Variants in PASD1 observed in about 807,000 individuals in gnomAD.
PASD1 encodes PAS domain containing repressor 1, also known as circadian clock protein PASD1.
In PASD1, 13 loss-of-function variants were observed where a neutral mutation model predicts 58.8. The observed-to-expected ratio is 0.22, with a 90% CI of 0.14 to 0.35. The LOEUF is 0.35. Among genes scored for constraint, PASD1 ranks in the 10% least tolerant of loss-of-function variants. PASD1 has a pLI of 1.00. For synonymous variants in PASD1, 236 were observed against 216.7 expected, an observed-to-expected ratio of 1.09 and a Z score of -0.78; for missense variants, 734 against 568.3, an observed-to-expected ratio of 1.29 and a Z score of -2.96.
At chrX:151,645,358 C>T (rs1035651801) in intron 8 of PASD1, among the ~76,000 whole-genome samples, 7 of 111,910 alleles carry the variant, frequency 6.3e-5, no homozygotes, top group South Asian at 3.8e-4. Context: ...ACTCCATTGA[C>T]GTATGAAAGG....
At chrX:151,655,357 G>A (rs1309998999) in intron 9 of PASD1, among the ~76,000 whole-genome samples, 1 of 109,135 alleles carries the variant, frequency 9.2e-6, no homozygotes, top group African/African-American at 3.3e-5. Flanking sequence ...ATAATCCTTT[G>A]GGTATATACC....
intron 11 of PASD1, among the ~76,000 whole-genome samples, chrX:151,665,826 T>C (rs2014369220): frequency 9.2e-6 from 1 of 108,943 alleles, no homozygotes; most frequent in South Asian, 4.1e-4. Flanking sequence ...GGTTTGTCTC[T>C]TCTAGTCCTG....
chrX:151,655,134 G>C (rs745838619), intron 9 of PASD1, among the ~76,000 whole-genome samples: 2 of 111,669 alleles, frequency 1.8e-5, no homozygotes, highest in Non-Finnish European at 3.8e-5. Context: ...ATAGTTTGCT[G>C]AGAATGATGG....
At chrX:151,618,536 T>C (rs941465749) in intron 4 of PASD1, among the ~76,000 whole-genome samples, 5 of 112,130 alleles carry the variant, frequency 4.5e-5, no homozygotes, top group Non-Finnish European at 9.4e-5. Flanking sequence ...AGCTCTGTTC[T>C]AGGTGTTGAA....
chrX:151,566,679 A>G (rs1231228832), intron 1 of PASD1, among the ~76,000 whole-genome samples: 1 of 112,216 alleles, frequency 8.9e-6, no homozygotes, highest in Non-Finnish European at 1.9e-5. Context: ...AATTTGCATT[A>G]TGCTTACTGG....
At position 151,659,772 on chromosome X, in the gene PASD1, T is replaced by C; in HGVS notation, c.777T>C (p.Phe259=). Reference sequence around the variant, plus strand: ...GACCACAAGAAAACGTTCACATGTTTGTAGATTCTGATTCAACTTATTGCT... The same window carrying C: ...GACCACAAGAAAACGTTCACATGTTCGTAGATTCTGATTCAACTTATTGCT... ...QYGPQENVHM[F]VDSDSTYCSS... The change falls in exon 10 of 16, where the codon TTT becomes TTC. Residue 259 remains phenylalanine, a synonymous_variant. Transcript: ENST00000370357. 8.3e-6 allele frequency: 10 copies of C among 1,202,450 alleles called. No homozygotes were observed. Among genetic ancestry groups the C allele is most frequent in the Non-Finnish European group, 1.0e-5 (9 of 887,071 alleles).
chrX:151,615,649 A>G (rs2013628622), intron 4 of PASD1, among the ~76,000 whole-genome samples: 1 of 111,635 alleles, frequency 9.0e-6, no homozygotes, highest in African/African-American at 3.3e-5. Flanking sequence ...AACCATTTCT[A>G]GAGTGTCTGC....
rs908430179 is a variant in PASD1, at chrX:151,619,553, T to C, written c.208-1377T>C. 2.2e-4 allele frequency among the ~76,000 whole-genome samples: 24 copies of C among 111,170 alleles called. No individual in the cohort carries two copies. In the Admixed American group the frequency reaches 2.2e-3, roughly 10 times the overall value. ...AATTGTGAAGGAGTAGCCTTTGAGG[T>C]AGAAGTATATCCTCATGTGTGTGGT... On this transcript the variant is annotated intron_variant, in intron 4 of 15. Coordinates refer to ENST00000370357, the MANE Select transcript of PASD1 (RefSeq NM_173493.3).
rs776993418 is a variant in PASD1 at position 151,671,710 on chromosome X, T to C, written c.1368T>C (p.Cys456=). The change falls in exon 13 of 16, where the codon TGT becomes TGC. Residue 456 remains cysteine, a synonymous_variant. Transcript: ENST00000370357. ...ATCCCAAGGACGTCAAGTGTTTCTGTGGTTTATCTTTATCCAACTCTCTCA... is the reference window on the plus strand; with the variant it reads ...ATCCCAAGGACGTCAAGTGTTTCTGCGGTTTATCTTTATCCAACTCTCTCA... ...LPHPKDVKCF[C]GLSLSNSLKN... 4.1e-6 allele frequency: 5 copies of C among 1,210,405 alleles called. No individual in the cohort carries two copies. In the South Asian group the frequency reaches 8.8e-5, roughly 21 times the overall value.
rs752946088 is a variant in PASD1, at chrX:151,662,626, C to CCAA, written c.842-1475_842-1473dup. Among the ~76,000 whole-genome samples the CCAA allele has an allele frequency of 2.4e-3, 271 of 110,924 alleles. 4 individuals are homozygous for CCAA. Among genetic ancestry groups the CCAA allele is most frequent in the African/African-American group, 7.9e-3 (240 of 30,565 alleles). ...CTGTATTTATTTCAGCATGTAACAA[C>CCAA]CAACAACAACAACAACAACAGGAGT... On this transcript the variant is annotated intron_variant, in intron 10 of 15. Transcript: ENST00000370357.
chrX:151,655,195 A>G (rs1168383681), intron 9 of PASD1, among the ~76,000 whole-genome samples: 2 of 111,061 alleles, frequency 1.8e-5, no homozygotes, highest in African/African-American at 3.3e-5. Context: ...ATCATTTTTT[A>G]TGGCTGCATA....
intron 8 of PASD1, among the ~76,000 whole-genome samples, chrX:151,626,150 T>A (rs2013784241): frequency 8.9e-6 from 1 of 112,059 alleles, no homozygotes; most frequent in Admixed American, 9.5e-5. Context: ...GGTAATGCAT[T>A]TTAATATACT....
Position 151,612,432 on chromosome X carries a change from G to A in PASD1, c.207+679G>A, listed in dbSNP as rs367694837. Among the ~76,000 whole-genome samples, 117 of 108,241 alleles carry A rather than the reference G, an allele frequency of 1.1e-3. No individual in the cohort carries two copies. In the East Asian group the frequency reaches 0.012, roughly 11 times the overall value. 94.0% of individuals were successfully genotyped at this position (108,241 alleles called of 115,157 possible). ...GGTTGAACTAGTTTACAGTCCCACC[G>A]ACAGTGTAAAAGTGTTCCTATTTCT... On this transcript the variant is annotated intron_variant, in intron 4 of 15. Coordinates refer to ENST00000370357, the MANE Select transcript of PASD1 (RefSeq NM_173493.3).
intron 4 of PASD1, among the ~76,000 whole-genome samples, chrX:151,617,550 A>G (rs2013651713): frequency 9.1e-6 from 1 of 109,976 alleles, no homozygotes; most frequent in Non-Finnish European, 1.9e-5. Context: ...TTGATTGTGC[A>G]TATTTAATCT....
rs773194276 is a variant in PASD1, at chrX:151,674,046, A to C, written c.2035A>C (p.Thr679Pro). The change falls in exon 15 of 16, where the codon ACC (threonine) becomes CCC (proline). Residue 679 changes from threonine to proline, a missense_variant. Transcript: ENST00000370357. ...TCAGTTTCCCATAACTTCAGACTCA[A>C]CCATAAGCACCCTGGAGACCCCACA... is the stretch of plus-strand genomic sequence containing the variant. ...IPQFPITSDS[T>P]ISTLETPQDY... 2 of 1,211,519 alleles carry C rather than the reference A, an allele frequency of 1.7e-6. No homozygotes were observed. The highest frequency in any genetic ancestry group is 2.2e-6 in the Non-Finnish European group (2 of 895,362).
At chrX:151,616,359 G>C in intron 4 of PASD1, among the ~76,000 whole-genome samples, 1 of 110,837 alleles carries the variant, frequency 9.0e-6, no homozygotes, top group Non-Finnish European at 1.9e-5. Context: ...GAAGAGGGGT[G>C]TGACACAGAG....
rs1438644275 is a variant in PASD1, at chrX:151,621,090, A to C, written c.307+61A>C. 3 of 725,637 alleles carry C rather than the reference A, an allele frequency of 4.1e-6. No homozygotes were observed. In the African/African-American group the frequency reaches 6.4e-5, roughly 16 times the overall value. The allele number at this position is 725,637 out of a possible 1,213,427, so 59.8% of individuals were successfully genotyped here. On this transcript the variant is annotated intron_variant, in intron 5 of 15. Coordinates refer to ENST00000370357, the MANE Select transcript of PASD1 (RefSeq NM_173493.3). ...TTTAAGGGACAAGTAACAATCGCTC[A>C]ATGGATTAATTTCTAAAAAGATATT...
chrX:151,617,221 A>G (rs2013648568), intron 4 of PASD1, among the ~76,000 whole-genome samples: 1 of 111,762 alleles, frequency 8.9e-6, no homozygotes, highest in Non-Finnish European at 1.9e-5. Flanking sequence ...CTAAAAATTT[A>G]CAAAAATAAC....
intron 8 of PASD1, among the ~76,000 whole-genome samples, chrX:151,636,492 C>T (rs1183862372): frequency 1.8e-5 from 2 of 111,399 alleles, no homozygotes; most frequent in African/African-American, 6.5e-5. Context: ...GAACTTCCAC[C>T]TCCCAGGTTC....
Sources: allele counts gnomAD v4.1 joint callset (sites outside exome capture counted in the v4.1 genomes callset), GRCh38; gene constraint gnomAD v4.1.1; transcripts MANE v1.5; gene names NCBI Gene and HGNC (gene_info 2026-07-23, HGNC 2026-07-21).